The following SEPTIN11 variants were observed in gnomAD, a reference collection of about 807,000 sequenced individuals.
The protein encoded by SEPTIN11 is septin-11.
In SEPTIN11, 25 loss-of-function variants were observed where a neutral mutation model predicts 51.4. The ratio of observed to expected loss-of-function variants is 0.49; its 90% CI spans 0.35 to 0.68. SEPTIN11 has a LOEUF of 0.68. SEPTIN11 is among the 30% of genes least tolerant of loss of function. The probability of loss-of-function intolerance (pLI) is 0.00; values close to 1 mark genes in which losing one functional copy is unlikely to be tolerated. For synonymous variants in SEPTIN11, 174 were observed against 184.1 expected, an observed-to-expected ratio of 0.95 and a Z score of 0.44; for missense variants, 381 against 520.8, an observed-to-expected ratio of 0.73 and a Z score of 2.61.
intron 8 of SEPTIN11, 72 bp from the exon 9 acceptor site, chr4:77,030,711 A>G: frequency 7.0e-7 from 1 of 1,427,168 alleles, no homozygotes. Context: ...TGTTTTTTGA[A>G]CAGATCCAAA....
At chr4:76,967,409 T>A (rs542813262) in intron 1 of SEPTIN11, among the ~76,000 whole-genome samples, 1 of 152,216 alleles carries the variant, frequency 6.6e-6, no homozygotes, top group Admixed American at 6.5e-5. Context: ...CTTCATTATT[T>A]AGCTTATTTA....
At chr4:77,001,586 G>A (rs1361053163) in intron 2 of SEPTIN11, among the ~76,000 whole-genome samples, 1 of 152,122 alleles carries the variant, frequency 6.6e-6, no homozygotes, top group African/African-American at 2.4e-5. Context: ...CTGACCTCAG[G>A]TGATCCGCCT....
At chr4:77,011,977 A>C in intron 4 of SEPTIN11, 56 bp downstream of exon 4, 1 of 1,474,778 alleles carries the variant, frequency 6.8e-7, no homozygotes, top group Non-Finnish European at 9.4e-7. Flanking sequence ...TCTTTATCCT[A>C]ATGCCCTAAT....
chr4:77,017,450 A>T (rs1238885042), intron 5 of SEPTIN11, among the ~76,000 whole-genome samples: 1 of 152,222 alleles, frequency 6.6e-6, no homozygotes, highest in African/African-American at 2.4e-5. Flanking sequence ...CTTGGTCATT[A>T]CACCAAAATA....
intron 7 of SEPTIN11, among the ~76,000 whole-genome samples, chr4:77,023,482 A>G (rs1725888459): frequency 6.6e-6 from 1 of 151,628 alleles, no homozygotes; most frequent in Non-Finnish European, 1.5e-5. Flanking sequence ...CTAAAAATAA[A>G]TACCTTCCAA....
At chr4:76,960,178 C>T (rs1032443017) in intron 1 of SEPTIN11, among the ~76,000 whole-genome samples, 6 of 152,194 alleles carry the variant, frequency 3.9e-5, no homozygotes, top group Admixed American at 6.5e-5. Context: ...CCTTTGCTCT[C>T]ATTCTTTGAG....
Position 77,005,941 on chromosome 4 carries a change from CTCTGAGAATTTT to C in SEPTIN11, c.338+155_338+166del, listed in dbSNP as rs6148531. ...GCCTAAAAGGTGTGATATTCTTGTC[CTCTGAGAATTTT>C]TCTGAGAATATTCTTCCTTGAGGTC... On this transcript the variant is annotated intron_variant, in intron 3 of 9. Coordinates refer to ENST00000264893, the MANE Select transcript of SEPTIN11 (RefSeq NM_018243.4). 5.2e-3 allele frequency: 3,645 copies of C among 698,570 alleles called. 110 individuals are homozygous for C. In the African/African-American group the frequency reaches 0.058, roughly 11 times the overall value. The allele number at this position is 698,570 out of a possible 1,614,324, so 43.3% of individuals were successfully genotyped here. A position where few individuals can be genotyped will look rare whatever the true frequency, so the allele number is the denominator to read the frequency against.
chr4:77,022,881 C>CT (rs200971251), intron 7 of SEPTIN11, among the ~76,000 whole-genome samples: 6,904 of 152,276 alleles, frequency 0.045, 241 homozygotes, highest in East Asian at 0.096. Context: ...CTAAGTTTGC[C>CT]ACTTAGGTCT....
chr4:77,025,460 G>A (rs893465033), intron 7 of SEPTIN11, among the ~76,000 whole-genome samples: 6 of 151,978 alleles, frequency 3.9e-5, no homozygotes, highest in African/African-American at 1.2e-4. Flanking sequence ...TGGGAAGATC[G>A]CTTGAGCCCA....
At chr4:77,030,400 GTTTTCTTTTA>G (rs971766591) in intron 8 of SEPTIN11, among the ~76,000 whole-genome samples, 2 of 151,880 alleles carry the variant, frequency 1.3e-5, no homozygotes, top group African/African-American at 4.8e-5. Flanking sequence ...ATATTTGTTT[GTTTTCTTTTA>G]TTTTCTTTTG....
rs1027894710 is a variant in SEPTIN11 at position 77,036,494 on chromosome 4, A to C, written c.*1982A>C. On this transcript the variant is annotated 3_prime_UTR_variant, in exon 10 of 10. Transcript: ENST00000264893. ...TTTAAATTGTCTCTTGCATCACTAA[A>C]ATTTTTTTAAAATGAGCATAACAAC... The C allele has an allele frequency of 1.1e-5, 14 of 1,317,482 alleles. No homozygotes were observed. The highest frequency in any genetic ancestry group is 1.3e-5 in the Non-Finnish European group (13 of 1,032,804). 81.6% of individuals were successfully genotyped at this position (1,317,482 alleles called of 1,614,324 possible).
chr4:77,039,494 C>T (rs1486082284), downstream of SEPTIN11: 2 of 985,236 alleles, frequency 2.0e-6, no homozygotes, highest in East Asian at 2.3e-4. Flanking sequence ...CCAGGGCCCA[C>T]AAACTTGATC....
chr4:76,988,944 G>C (rs572548032), intron 1 of SEPTIN11, among the ~76,000 whole-genome samples: 9 of 152,212 alleles, frequency 5.9e-5, no homozygotes, highest in Non-Finnish European at 1.2e-4. Context: ...ATTAAAACTT[G>C]AGCCATCTTG....
intron 1 of SEPTIN11, among the ~76,000 whole-genome samples, chr4:76,990,040 G>A (rs951023122): frequency 5.3e-5 from 8 of 152,156 alleles, no homozygotes; most frequent in African/African-American, 9.6e-5. Flanking sequence ...CTTCCACAGC[G>A]TGGAAGGGGA....
chr4:77,029,779 CACAT>C (rs1726466464), intron 8 of SEPTIN11, among the ~76,000 whole-genome samples: 1 of 151,270 alleles, frequency 6.6e-6, no homozygotes, highest in Non-Finnish European at 1.5e-5. Context: ...CACACACACA[CACAT>C]ATATATACAC....
rs1727124467 is a variant in SEPTIN11, at chr4:77,037,620, G to A, written c.*3108G>A. On this transcript the variant is annotated 3_prime_UTR_variant, in exon 10 of 10. Transcript: ENST00000264893. The stretch of plus-strand genomic sequence containing the variant: ...CCACCTCTTTTTTGGGGATTGAGGG[G>A]CCTACATAACTAGCTGGCCTTACCC... 2 of 985,434 alleles carry A rather than the reference G, an allele frequency of 2.0e-6. No individual in the cohort carries two copies. Among genetic ancestry groups the A allele is most frequent in the South Asian group, 9.4e-5 (2 of 21,272 alleles). The allele number at this position is 985,434 out of a possible 1,614,324, so 61.0% of individuals were successfully genotyped here. A position where few individuals can be genotyped will look rare whatever the true frequency, so the allele number is the denominator to read the frequency against.
chr4:77,018,524 C>T (rs1052297654), intron 5 of SEPTIN11, among the ~76,000 whole-genome samples: 8 of 151,916 alleles, frequency 5.3e-5, no homozygotes, highest in African/African-American at 1.2e-4. Flanking sequence ...CATATCTCAT[C>T]GTGGACTGAA....
chr4:76,956,962 A>ATATG (rs1553966569), intron 1 of SEPTIN11, among the ~76,000 whole-genome samples: 1 of 119,118 alleles, frequency 8.4e-6, no homozygotes, highest in African/African-American at 3.3e-5. Context: ...TAGTAGAATG[A>ATATG]TGTGTGTGTG....
chr4:76,952,213 T>A (rs977049589), intron 1 of SEPTIN11, among the ~76,000 whole-genome samples: 1 of 152,212 alleles, frequency 6.6e-6, no homozygotes, highest in Non-Finnish European at 1.5e-5. Flanking sequence ...GAATCTACAC[T>A]GCACCTTTAA....
Sources: gnomAD v4.1 joint callset for allele counts (sites outside exome capture counted in the v4.1 genomes callset) on GRCh38, gnomAD v4.1.1 for gene constraint, MANE v1.5 for transcripts, NCBI Gene and HGNC (gene_info 2026-07-23, HGNC 2026-07-21) for gene names.